KIAA1217: variants seen among roughly 807,000 people sequenced by gnomAD.
The protein encoded by KIAA1217 is sickle tail protein homolog.
KIAA1217 carries 88 observed loss-of-function variants against 163.9 expected under a neutral mutation model. That is an observed-to-expected ratio of 0.54 (90% CI 0.45 to 0.64). The LOEUF (loss-of-function observed/expected upper bound fraction) is 0.64. Among genes scored for constraint, KIAA1217 ranks in the 30% least tolerant of loss-of-function variants. The pLI, the probability that KIAA1217 is intolerant of heterozygous loss-of-function variation, is 0.00. For synonymous variants in KIAA1217, 903 were observed against 923.1 expected, an observed-to-expected ratio of 0.98 and a Z score of 0.39; for missense variants, 2,372 against 2,475.0, an observed-to-expected ratio of 0.96 and a Z score of 0.88.
chr10:24,073,022 G>A (rs2061240685), intron 2 of KIAA1217, among the ~76,000 whole-genome samples: 1 of 149,828 alleles, frequency 6.7e-6, no homozygotes, highest in Non-Finnish European at 1.5e-5. Context: ...TCACGCCACT[G>A]CACTCCAGCC....
At chr10:24,124,596 T>G (rs2063400423) in intron 2 of KIAA1217, among the ~76,000 whole-genome samples, 1 of 152,160 alleles carries the variant, frequency 6.6e-6, no homozygotes, top group Admixed American at 6.5e-5. Context: ...TTTATCAGGT[T>G]AATAGCTTCC....
In KIAA1217 at chr10:24,471,874, A is replaced by G. The variant is rs189265555; in HGVS notation, c.847-1354A>G. On this transcript the variant is annotated intron_variant, in intron 5 of 20. Transcript: ENST00000376454. ...TGCACTCCAGCCTGGGAGACAGAGCAAGACTCCATCTCAAAAAAAAAAAAA... is the reference window on the plus strand; with the variant it reads ...TGCACTCCAGCCTGGGAGACAGAGCGAGACTCCATCTCAAAAAAAAAAAAA... Among the ~76,000 whole-genome samples, 999 of 147,352 alleles carry G rather than the reference A, an allele frequency of 6.8e-3. 14 individuals are homozygous for G. Among genetic ancestry groups the G allele is most frequent in the African/African-American group, 0.024 (936 of 39,480 alleles).
intron 1 of KIAA1217, among the ~76,000 whole-genome samples, chr10:23,746,490 C>A (rs1839425131): frequency 6.6e-6 from 1 of 152,132 alleles, no homozygotes; most frequent in African/African-American, 2.4e-5. Flanking sequence ...GTGGTGCGAT[C>A]TTGGCTCACT....
At chr10:24,369,125 G>C (rs913618758) in intron 2 of KIAA1217, among the ~76,000 whole-genome samples, 2 of 151,272 alleles carry the variant, frequency 1.3e-5, no homozygotes, top group Non-Finnish European at 2.9e-5. Flanking sequence ...TCCTAGAGCA[G>C]GACTAGAGGA....
At chr10:24,380,502 C>A (rs533817058) in intron 2 of KIAA1217, among the ~76,000 whole-genome samples, 3 of 152,132 alleles carry the variant, frequency 2.0e-5, no homozygotes, top group African/African-American at 4.8e-5. Context: ...ACTAGCCAGG[C>A]ATGTTGGGGC....
chr10:23,724,827 T>C (rs1206790509), intron 1 of KIAA1217, among the ~76,000 whole-genome samples: 1 of 152,212 alleles, frequency 6.6e-6, no homozygotes, highest in Non-Finnish European at 1.5e-5. Flanking sequence ...TTAATTGTCA[T>C]TGAGTTAACT....
intron 2 of KIAA1217, among the ~76,000 whole-genome samples, chr10:24,340,607 C>T (rs2046970855): frequency 6.6e-6 from 1 of 152,142 alleles, no homozygotes; most frequent in Non-Finnish European, 1.5e-5. Flanking sequence ...CTTCCCTCCA[C>T]CCACATCTCT....
chr10:24,096,212 CTGT>C (rs1328180944), intron 2 of KIAA1217, among the ~76,000 whole-genome samples: 4 of 152,222 alleles, frequency 2.6e-5, no homozygotes, highest in African/African-American at 9.7e-5. Context: ...CCATGGTTGT[CTGT>C]TGTTTGTGCT....
intron 3 of KIAA1217, among the ~76,000 whole-genome samples, chr10:24,389,608 G>A (rs1157395532): frequency 6.6e-6 from 1 of 151,982 alleles, no homozygotes; most frequent in Non-Finnish European, 1.5e-5. Flanking sequence ...AAATGTCAGA[G>A]CATTCTCTCT....
chr10:24,355,138 C>A (rs1482661494), intron 2 of KIAA1217, among the ~76,000 whole-genome samples: 4 of 152,126 alleles, frequency 2.6e-5, no homozygotes, highest in Admixed American at 2.6e-4. Context: ...CTGGTGAGGG[C>A]AGGCAGGTTG....
intron 2 of KIAA1217, among the ~76,000 whole-genome samples, chr10:24,271,752 TA>T (rs111874088): frequency 2.4e-3 from 338 of 142,372 alleles, no homozygotes; most frequent in Admixed American, 2.2e-3. Context: ...GACCCTGTCT[TA>T]AAAAAAAAAA....
intron 1 of KIAA1217, among the ~76,000 whole-genome samples, chr10:23,998,379 G>A (rs986125068): frequency 6.6e-6 from 1 of 152,156 alleles, no homozygotes; most frequent in Non-Finnish European, 1.5e-5. Context: ...GGCATCAGTG[G>A]CCATGCACTT....
intron 1 of KIAA1217, among the ~76,000 whole-genome samples, chr10:23,859,729 G>T (rs1436414018): frequency 1.3e-5 from 2 of 152,110 alleles, no homozygotes; most frequent in Non-Finnish European, 2.9e-5. Context: ...AAGGTCATAT[G>T]CTTTTAGCAA....
Position 24,147,859 on chromosome 10 carries a change from A to AAAAG in KIAA1217, c.-170-71757_-170-71754dup, listed in dbSNP as rs1564755553. Among the ~76,000 whole-genome samples, 301 of 146,088 alleles carry AAAAG rather than the reference A, an allele frequency of 2.1e-3. 2 individuals are homozygous for AAAAG. Among genetic ancestry groups the AAAAG allele is most frequent in the African/African-American group, 6.8e-3 (264 of 38,622 alleles). On this transcript the variant is annotated intron_variant, in intron 2 of 18. Coordinates refer to the KIAA1217 transcript ENST00000376462. ...AAAAAAAAAAAAAAAAAAAAAAAAA[A>AAAAG]AAAGAAAGAAAGAGAAAAGAAAAGA...
In KIAA1217 at chr10:24,536,870, A is replaced by G. The variant is rs1367579361; in HGVS notation, c.3511A>G (p.Thr1171Ala). Reference protein sequence around the residue: ...SHVKDTRSGATVPPKEKKNLE... With the variant: ...SHVKDTRSGAAVPPKEKKNLE... The stretch of plus-strand genomic sequence containing the variant: ...CGTTAAAGACACTAGGTCGGGCGCC[A>G]CAGTGCCACCCAAGGAGAAGAAGGT... Residue 1171 changes from threonine to alanine, a missense_variant, in exon 17 of 21, where the codon ACA becomes GCA. Physicochemically the swap from Thr to Ala is moderately conservative, Grantham distance 58. Around this residue, in one of 3 missense-constraint regions of KIAA1217, gnomAD observed 251 missense variants for 327.3 expected, o/e 0.77. Transcript: ENST00000376454. 1 of 1,614,076 alleles carries G rather than the reference A, an allele frequency of 6.2e-7. No individual in the cohort carries two copies. The highest frequency in any genetic ancestry group is 1.7e-5 in the Admixed American group (1 of 60,012).
chr10:23,968,641 C>A (rs1845173280), intron 1 of KIAA1217, among the ~76,000 whole-genome samples: 1 of 152,162 alleles, frequency 6.6e-6, no homozygotes, highest in Non-Finnish European at 1.5e-5. Context: ...CCACCCAACC[C>A]CTGGCCCTAG....
chr10:24,448,677 G>A (rs528316264), intron 5 of KIAA1217, among the ~76,000 whole-genome samples: 8 of 152,320 alleles, frequency 5.3e-5, no homozygotes, highest in African/African-American at 1.9e-4. Flanking sequence ...ATGAGCCACT[G>A]TGCCTGGCCC....
intron 4 of KIAA1217, among the ~76,000 whole-genome samples, chr10:24,437,084 A>G (rs983574819): frequency 1.5e-4 from 23 of 152,316 alleles, no homozygotes; most frequent in Admixed American, 1.5e-3. Context: ...AACCTCATGC[A>G]TTTTAAATAC....
At chr10:23,845,680 G>A (rs939224677) in intron 1 of KIAA1217, among the ~76,000 whole-genome samples, 11 of 152,240 alleles carry the variant, frequency 7.2e-5, no homozygotes, top group Admixed American at 2.6e-4. Flanking sequence ...CCATTCTGTA[G>A]GTTGCCTGTT....
Sources: gnomAD v4.1 joint callset for allele counts (sites outside exome capture counted in the v4.1 genomes callset) on GRCh38, gnomAD v4.1.1 for gene constraint, gnomAD v4.1.1 regional missense constraint, MANE v1.5 for transcripts, NCBI Gene and HGNC (gene_info 2026-07-23, HGNC 2026-07-21) for gene names.